KCNN3: variants seen among roughly 807,000 people sequenced by gnomAD.
The protein encoded by KCNN3 is small conductance calcium-activated potassium channel protein 3.
Under a neutral mutation model 62.9 loss-of-function variants are expected in KCNN3, and 16 were observed. That is an observed-to-expected ratio of 0.25 (90% CI 0.17 to 0.39). KCNN3 has a LOEUF of 0.39. Ranked by LOEUF, KCNN3 falls within the 10% of genes least tolerant of loss-of-function variation. The pLI is 1.00. For synonymous variants in KCNN3, 370 were observed against 389.2 expected (o/e 0.95, Z 0.58); for missense variants, 599 against 949.4 (o/e 0.63, Z 4.85).
At position 154,702,959 on chromosome 1, in the gene KCNN3, G is replaced by A. The variant is rs1332538940; in HGVS notation, c.*5017C>T. On this transcript the variant is annotated 3_prime_UTR_variant, in exon 8 of 8. Transcript: ENST00000271915. ...ACTGTCACAGGGCACTTGGCACCTA[G>A]ATTTGGAGGTCATATGTTGAAGATT... 1 of 151,596 alleles carries A rather than the reference G, an allele frequency of 6.6e-6. No homozygotes were observed. The highest frequency in any genetic ancestry group is 2.4e-5 in the African/African-American group (1 of 41,276). 9.4% of individuals were successfully genotyped at this position (151,596 alleles called of 1,614,324 possible).
chr1:154,812,194 G>T (rs867558320), intron 2 of KCNN3, among the ~76,000 whole-genome samples: 1 of 152,094 alleles, frequency 6.6e-6, no homozygotes, highest in Non-Finnish European at 1.5e-5. Context: ...CAAATAGAAC[G>T]GATTAACTTT....
intron 3 of KCNN3, among the ~76,000 whole-genome samples, chr1:154,759,787 C>T (rs963138177): frequency 6.6e-5 from 10 of 152,086 alleles, no homozygotes; most frequent in African/African-American, 2.4e-4. Context: ...TGAAGGGAAA[C>T]CCAGGTTTGG....
intron 5 of KCNN3, among the ~76,000 whole-genome samples, chr1:154,719,698 G>A (rs143535310): frequency 2.4e-4 from 37 of 152,228 alleles, no homozygotes; most frequent in Non-Finnish European, 4.4e-4. Context: ...GACTAGAGAA[G>A]GGGGCTGGTT....
chr1:154,745,198 A>G (rs1421162701), intron 3 of KCNN3, among the ~76,000 whole-genome samples: 2 of 152,180 alleles, frequency 1.3e-5, no homozygotes, highest in African/African-American at 2.4e-5. Context: ...TTCCAAGGCA[A>G]CTCTAAATCT....
chr1:154,821,781 C>T (rs979506401), intron 2 of KCNN3, among the ~76,000 whole-genome samples: 5 of 152,196 alleles, frequency 3.3e-5, no homozygotes, highest in African/African-American at 7.2e-5. Context: ...GGGGCTCTCC[C>T]GGTCCGATGG....
intron 4 of KCNN3, among the ~76,000 whole-genome samples, chr1:154,726,466 A>G (rs1029129034): frequency 6.6e-6 from 1 of 152,204 alleles, no homozygotes; most frequent in Admixed American, 6.5e-5. Context: ...CTGGGAGGAA[A>G]GAAGGTAGGC....
chr1:154,724,984 G>C (rs1244535667), intron 5 of KCNN3, among the ~76,000 whole-genome samples: 1 of 152,104 alleles, frequency 6.6e-6, no homozygotes, highest in Admixed American at 6.5e-5. Flanking sequence ...AGCCTCCTGA[G>C]TAGCTGGGAT....
At chr1:154,838,996 G>T (rs541444503) in intron 1 of KCNN3, among the ~76,000 whole-genome samples, 1 of 152,116 alleles carries the variant, frequency 6.6e-6, no homozygotes, top group Non-Finnish European at 1.5e-5. Context: ...ATCTCTAACC[G>T]CTGATCTGCC....
intron 3 of KCNN3, among the ~76,000 whole-genome samples, chr1:154,767,049 GGGA>G (rs1648329804): frequency 6.6e-6 from 1 of 152,076 alleles, no homozygotes; most frequent in African/African-American, 2.4e-5. Context: ...GGAAGGAGAT[GGGA>G]GGAGGAGGGA....
Position 154,796,085 on chromosome 1 carries a change from T to C in KCNN3, c.1030-23692A>G, listed in dbSNP as rs77744225. 5.8e-3 allele frequency among the ~76,000 whole-genome samples: 884 copies of C among 152,248 alleles called. 8 individuals are homozygous for C. The highest frequency in any genetic ancestry group is 0.019 in the African/African-American group (782 of 41,534). Reference sequence around the variant, plus strand: ...AAGGGTGAGGAGGCAGGGTACAAGTTAGAGGCTTCCCTAACAGTCCACATA... The same window carrying C: ...AAGGGTGAGGAGGCAGGGTACAAGTCAGAGGCTTCCCTAACAGTCCACATA... On this transcript the variant is annotated intron_variant, in intron 2 of 7. Transcript: ENST00000271915.
intron 3 of KCNN3, among the ~76,000 whole-genome samples, chr1:154,749,297 G>T (rs1219776581): frequency 6.6e-6 from 1 of 152,240 alleles, no homozygotes; most frequent in Non-Finnish European, 1.5e-5. Flanking sequence ...GAGCCCTAAA[G>T]AAAAGACGGG....
chr1:154,718,743 C>T (rs1466913212), intron 5 of KCNN3, among the ~76,000 whole-genome samples: 1 of 152,200 alleles, frequency 6.6e-6, no homozygotes, highest in Non-Finnish European at 1.5e-5. Flanking sequence ...ACCACAACAA[C>T]AAAGCAGGGT....
At chr1:154,725,765 G>C (rs1700449468) in intron 5 of KCNN3, 151 bp downstream of exon 5, 1 of 676,000 alleles carries the variant, frequency 1.5e-6, no homozygotes, top group Admixed American at 2.0e-5. Flanking sequence ...GGATGGTCTT[G>C]ATCTCCTGAC....
At chr1:154,861,523 A>G (rs528273880) in intron 1 of KCNN3, among the ~76,000 whole-genome samples, 2 of 151,046 alleles carry the variant, frequency 1.3e-5, no homozygotes, top group African/African-American at 4.9e-5. Flanking sequence ...TTCCCTACAC[A>G]CTCTGCCCCC....
chr1:154,743,432 C>T (rs1439218610), intron 3 of KCNN3, among the ~76,000 whole-genome samples: 14 of 152,188 alleles, frequency 9.2e-5, no homozygotes. Context: ...AACCTGGGGG[C>T]CTCTCTGAGC....
At chr1:154,782,035 C>G (rs1044143663) in intron 2 of KCNN3, among the ~76,000 whole-genome samples, 10 of 152,060 alleles carry the variant, frequency 6.6e-5, no homozygotes, top group Non-Finnish European at 1.3e-4. Flanking sequence ...ACAGAGGGGA[C>G]AGCATGTGCA....
chr1:154,738,619 G>T (rs986517273), intron 3 of KCNN3, among the ~76,000 whole-genome samples: 5 of 152,200 alleles, frequency 3.3e-5, no homozygotes, highest in Non-Finnish European at 7.3e-5. Context: ...AGGTGCGGAG[G>T]ACAACCCGTC....
intron 2 of KCNN3, among the ~76,000 whole-genome samples, chr1:154,807,107 G>T (rs1470207923): frequency 6.6e-6 from 1 of 152,096 alleles, no homozygotes; most frequent in Non-Finnish European, 1.5e-5. Flanking sequence ...ACATACACAT[G>T]CAGTCAACCC....
chr1:154,772,149 T>G lies in KCNN3; in HGVS notation c.1274A>C (p.His425Pro). The G allele has an allele frequency of 6.2e-7, 1 of 1,614,192 alleles. No individual in the cohort carries two copies. Among genetic ancestry groups the G allele is most frequent in the Non-Finnish European group, 8.5e-7 (1 of 1,180,038 alleles). ...CGAGGCATCGGTGAAGAGCTTGCTG[T>G]GCAGCAGCATGACTCGGGCGATCAG... ...LYLIARVMLL[H>P]SKLFTDASSR... Residue 425 changes from histidine to proline, a missense_variant, in exon 3 of 8, where the codon CAC becomes CCC. By Grantham distance (77) the His-to-Pro change is moderately conservative. This residue lies in a region of KCNN3 where 288 missense variants were observed against 557.4 expected (regional missense o/e 0.52). Transcript: ENST00000271915. This position sits in a 1 kb window ranked among gnomAD's most constrained non-coding sequence, Gnocchi z 5.6.
Sources: allele counts gnomAD v4.1 joint callset (sites outside exome capture counted in the v4.1 genomes callset), GRCh38; gene constraint gnomAD v4.1.1; regional missense constraint gnomAD v4.1.1; non-coding constraint Gnocchi (gnomAD v3.1); transcripts MANE v1.5; gene names NCBI Gene and HGNC (gene_info 2026-07-23, HGNC 2026-07-21).